BRI3BP: variants seen among roughly 807,000 people sequenced by gnomAD.
BRI3BP encodes BRI3 binding protein.
A neutral mutation model predicts 15.8 loss-of-function variants in BRI3BP; 7 were observed. The observed-to-expected ratio is 0.44, with a 90% CI of 0.25 to 0.83. The LOEUF (loss-of-function observed/expected upper bound fraction) is 0.83, where lower values mean the gene tolerates loss of function less well. Ranked by LOEUF, BRI3BP falls within the 40% of genes least tolerant of loss-of-function variation. The pLI is 0.20. For missense variants in BRI3BP, 320 were observed against 339.3 expected (o/e 0.94, Z 0.45); for synonymous variants, 192 against 163.5 (o/e 1.17, Z -1.33).
At chr12:124,999,147 C>G (rs1955062719) in intron 1 of BRI3BP, among the ~76,000 whole-genome samples, 1 of 152,164 alleles carries the variant, frequency 6.6e-6, no homozygotes, top group African/African-American at 2.4e-5. Context: ...TCCTCTCAGG[C>G]AGAATATAGC....
intron 1 of BRI3BP, among the ~76,000 whole-genome samples, chr12:125,005,710 G>A (rs1390903208): frequency 2.0e-5 from 3 of 151,944 alleles, no homozygotes; most frequent in Admixed American, 6.6e-5. Flanking sequence ...GGTGGGGAGC[G>A]GAGGTTGCAG....
At position 124,993,989 on chromosome 12, in the gene BRI3BP, C is replaced by A; in HGVS notation, c.199C>A (p.Arg67Ser). The A allele has an allele frequency of 7.4e-7, 1 of 1,350,290 alleles. No homozygotes were observed. The highest frequency in any genetic ancestry group is 1.5e-5 in the African/African-American group (1 of 65,550). 83.6% of individuals were successfully genotyped at this position (1,350,290 alleles called of 1,614,324 possible). The change falls in exon 1 of 3, where the codon CGC becomes AGC. Residue 67 changes from arginine (R) to serine (S), a missense_variant. By Grantham distance (110) the Arg-to-Ser change is moderately radical. Transcript: ENST00000341446. ...CAGCCTGTTCGGCGAGGACAACGTG[C>A]GCGCCGCTCAGAAGGTGGGCGCCGG... ...VSSLFGEDNV[R>S]AAQKFLARLT...
At position 125,025,907 on chromosome 12, in the gene BRI3BP, CTG is replaced by C. The variant is rs1955350651; in HGVS notation, c.*482_*483del. ...CAGCTTAGGGATTGGTGGGTGAGGTCTGTGTGCGTTATTTTCATGTTCCCAAA... is the reference window on the plus strand; with the variant it reads ...CAGCTTAGGGATTGGTGGGTGAGGTCTGTGCGTTATTTTCATGTTCCCAAA... On this transcript the variant is annotated 3_prime_UTR_variant, in exon 3 of 3. Coordinates refer to ENST00000341446, the MANE Select transcript of BRI3BP (RefSeq NM_080626.6). 1 of 153,198 alleles carries C rather than the reference CTG, an allele frequency of 6.5e-6. No homozygotes were observed. The highest frequency in any genetic ancestry group is 2.1e-4 in the South Asian group (1 of 4,872). 9.5% of individuals were successfully genotyped at this position (153,198 alleles called of 1,614,324 possible).
downstream of BRI3BP, among the ~76,000 whole-genome samples, chr12:125,033,024 C>T (rs776811539): frequency 1.9e-4 from 29 of 152,142 alleles, no homozygotes; most frequent in Non-Finnish European, 3.4e-4. Flanking sequence ...GCTGCCAATC[C>T]CGCTGCAGCC....
At chr12:125,050,735 G>T in the BRI3BP span, among the ~76,000 whole-genome samples, 7 of 152,214 alleles carry the variant, frequency 4.6e-5, no homozygotes, top group African/African-American at 1.7e-4. Context: ...GAGAATGTGG[G>T]TGCTCTGAAT....
At chr12:125,016,519 A>T (rs1324135794) in intron 2 of BRI3BP, among the ~76,000 whole-genome samples, 1 of 61,058 alleles carries the variant, frequency 1.6e-5, no homozygotes. Flanking sequence ...TTTGGGGGGG[A>T]GGGGGTGGGG....
At chr12:125,046,136 C>A in the BRI3BP span, among the ~76,000 whole-genome samples, 1 of 151,502 alleles carries the variant, frequency 6.6e-6, no homozygotes, top group East Asian at 1.9e-4. Context: ...TTGACTCTAG[C>A]CTGAGGGACA....
downstream of BRI3BP, among the ~76,000 whole-genome samples, chr12:125,036,199 G>A (rs1955439253): frequency 6.6e-6 from 1 of 152,080 alleles, no homozygotes; most frequent in African/African-American, 2.4e-5. Context: ...TGGGTAGCTG[G>A]GATTACAGAC....
intron 1 of BRI3BP, among the ~76,000 whole-genome samples, chr12:124,996,914 C>T (rs553654470): frequency 6.6e-6 from 1 of 151,794 alleles, no homozygotes; most frequent in East Asian, 2.0e-4. Context: ...GTGTGTGCCA[C>T]CATGCCTGGC....
rs376785075 is a variant in BRI3BP at position 125,003,791 on chromosome 12, A to G, written c.214-8743A>G. Among the ~76,000 whole-genome samples, 92 of 152,132 alleles carry G rather than the reference A, an allele frequency of 6.0e-4. 1 individual carries two copies. In the South Asian group the frequency reaches 0.013, roughly 21 times the overall value. ...AACATAGTGAAACCCCATCTCTACT[A>G]AAAATATAAAAATTAGCTGGGCATG... is the stretch of plus-strand genomic sequence containing the variant. On this transcript the variant is annotated intron_variant, in intron 1 of 2. Coordinates refer to ENST00000341446, the MANE Select transcript of BRI3BP (RefSeq NM_080626.6).
rs1420488850 is a variant in BRI3BP, at chr12:125,025,552, T to A, written c.*122T>A. The A allele has an allele frequency of 1.1e-5, 11 of 1,039,228 alleles. No homozygotes were observed. The East Asian group carries it at 1.8e-4, about 17-fold the overall frequency. The allele number at this position is 1,039,228 out of a possible 1,614,324, so 64.4% of individuals were successfully genotyped here. A position where few individuals can be genotyped will look rare whatever the true frequency, so the allele number is the denominator to read the frequency against. ...ACACGACTGAGCAAGAAAGTGGCGC[T>A]GTGTAGGGCTATTTCCACCCACCCG... On this transcript the variant is annotated 3_prime_UTR_variant, in exon 3 of 3. Transcript: ENST00000341446.
rs58016016 is a variant in BRI3BP at position 125,016,825 on chromosome 12, CTTTTTTTTTTT to C, written c.316+4206_316+4216del. Among the ~76,000 whole-genome samples, 33 of 39,808 alleles carry C rather than the reference CTTTTTTTTTTT, an allele frequency of 8.3e-4. 1 individual carries two copies. In the East Asian group the frequency reaches 0.026, roughly 32 times the overall value. The allele number at this position is 39,808 out of a possible 152,430, so 26.1% of individuals were successfully genotyped here. ...ACGGGCATGAGCCACTGCGCCCAGC[CTTTTTTTTTTT>C]TTTTTTTTTTTTTTTTGAGACAGAG... On this transcript the variant is annotated intron_variant, in intron 2 of 2. Transcript: ENST00000341446.
intron 1 of BRI3BP, among the ~76,000 whole-genome samples, chr12:125,001,813 A>G (rs1445636250): frequency 6.6e-6 from 1 of 151,894 alleles, no homozygotes; most frequent in Non-Finnish European, 1.5e-5. Context: ...ACAGTGCTGT[A>G]CAGCTGTCAC....
At position 125,012,591 on chromosome 12, in the gene BRI3BP, CTG is replaced by C. The variant is rs769351691; in HGVS notation, c.274_275del (p.Trp92GlufsTer13). ...VLGVDMFVET[L>X]WKVWTELLDV... ...GGGAGTGGATATGTTCGTGGAGACA[CTG>C]TGGAAAGTCTGGACCGAGCTCTTGG... On this transcript the variant is annotated frameshift_variant, in exon 2 of 3. Coordinates refer to ENST00000341446, the MANE Select transcript of BRI3BP (RefSeq NM_080626.6). LOFTEE classifies it low-confidence loss of function (END_TRUNC). The C allele has an allele frequency of 7.4e-6, 12 of 1,613,292 alleles. No homozygotes were observed. In the African/African-American group the frequency reaches 1.2e-4, roughly 16 times the overall value.
intron 1 of BRI3BP, 150 bp from the exon 2 acceptor site, chr12:125,012,384 T>TC (rs1955203975): frequency 1.6e-6 from 1 of 640,714 alleles, no homozygotes. Flanking sequence ...TTCAAGTCAA[T>TC]CCCCTGGGCC....
At chr12:125,002,328 T>TAG (rs199791755) in intron 1 of BRI3BP, among the ~76,000 whole-genome samples, 9,166 of 151,696 alleles carry the variant, frequency 0.06, 406 homozygotes, top group Admixed American at 0.14. Context: ...CCTACCAGCA[T>TAG]GTGGGGCCTG....
chr12:125,022,541 A>ATTTTTTTTTTTT (rs770844998), intron 2 of BRI3BP, among the ~76,000 whole-genome samples: 9 of 139,398 alleles, frequency 6.5e-5, no homozygotes, highest in South Asian at 2.2e-4. Context: ...TTATTTATTT[A>ATTTTTTTTTTTT]TTTTTTGAGA....
At chr12:125,046,535 A>G in the BRI3BP span, among the ~76,000 whole-genome samples, 1 of 152,178 alleles carries the variant, frequency 6.6e-6, no homozygotes, top group African/African-American at 2.4e-5. Context: ...ACTGCACTCC[A>G]GCCTGGGCAA....
intron 2 of BRI3BP, among the ~76,000 whole-genome samples, chr12:125,017,329 T>A (rs4608188): frequency 1.3e-5 from 2 of 151,094 alleles, no homozygotes; most frequent in Admixed American, 1.3e-4. Context: ...CCTAATGTTT[T>A]TTTTTTATAG....
Sources: allele counts gnomAD v4.1 joint callset (sites outside exome capture counted in the v4.1 genomes callset), GRCh38; gene constraint gnomAD v4.1.1; transcripts MANE v1.5; gene names NCBI Gene and HGNC (gene_info 2026-07-23, HGNC 2026-07-21).